Variants in ERC1 observed in about 807,000 individuals in gnomAD.
The protein encoded by ERC1 is RAB6 interacting protein 2.
Under a neutral mutation model 132.0 loss-of-function variants are expected in ERC1, and 56 were observed. The ratio of observed to expected loss-of-function variants is 0.42; its 90% CI spans 0.34 to 0.53. ERC1 has a LOEUF of 0.53. Among genes scored for constraint, ERC1 ranks in the 20% least tolerant of loss-of-function variants. The probability of loss-of-function intolerance (pLI) is 0.03; values close to 1 mark genes in which losing one functional copy is unlikely to be tolerated. For missense variants in ERC1, 1,202 were observed against 1,349.9 expected (o/e 0.89, Z 1.72); for synonymous variants, 478 against 476.1 (o/e 1.00, Z -0.05).
chr12:1,143,501 C>T (rs889343059), intron 8 of ERC1, among the ~76,000 whole-genome samples: 19 of 150,984 alleles, frequency 1.3e-4, no homozygotes, highest in African/African-American at 4.1e-4. Flanking sequence ...TATCCAGTAA[C>T]ATTGTTTAAA....
rs1401569093 is a variant in ERC1, at chr12:1,493,541, AAAAAAAAATAT to A, written c.*3313_*3323del. 1.5e-3 allele frequency: 135 copies of A among 89,728 alleles called. 3 individuals carry two copies. Among genetic ancestry groups the A allele is most frequent in the Non-Finnish European group, 1.9e-3 (86 of 46,030 alleles). 5.6% of individuals were successfully genotyped at this position (89,728 alleles called of 1,614,324 possible). A position where few individuals can be genotyped will look rare whatever the true frequency, so the allele number is the denominator to read the frequency against. On this transcript the variant is annotated 3_prime_UTR_variant, in exon 19 of 19. Coordinates refer to ENST00000360905, the MANE Select transcript of ERC1 (RefSeq NM_178040.4). ...GACAGAGACTCCATTTAAAAAAAAA[AAAAAAAAATAT>A]ATATATATATATATATATATATATA...
At chr12:1,127,630 C>A (rs1302741529) in intron 7 of ERC1, among the ~76,000 whole-genome samples, 1 of 151,522 alleles carries the variant, frequency 6.6e-6, no homozygotes. Context: ...GCATCCATCC[C>A]GTTTTTTAAA....
chr12:1,435,216 C>G (rs2092916319), intron 17 of ERC1, among the ~76,000 whole-genome samples: 1 of 152,172 alleles, frequency 6.6e-6, no homozygotes, highest in Non-Finnish European at 1.5e-5. Context: ...AAGTACAACT[C>G]TGTCAGAGCA....
intron 16 of ERC1, among the ~76,000 whole-genome samples, chr12:1,394,384 A>G (rs1041379585): frequency 1.3e-5 from 2 of 152,234 alleles, no homozygotes; most frequent in African/African-American, 4.8e-5. Flanking sequence ...TGGGTGACAG[A>G]GCAAGACTCC....
chr12:1,030,195 G>C (rs1228315932), intron 2 of ERC1, among the ~76,000 whole-genome samples: 1 of 152,124 alleles, frequency 6.6e-6, no homozygotes, highest in Non-Finnish European at 1.5e-5. Context: ...TACTCTTAAA[G>C]GAGAATATGT....
intron 16 of ERC1, among the ~76,000 whole-genome samples, chr12:1,385,682 C>T (rs1023265889): frequency 6.6e-6 from 1 of 152,178 alleles, no homozygotes; most frequent in African/African-American, 2.4e-5. Context: ...ATCTAGAGCT[C>T]TCTTTGTATT....
At chr12:1,485,474 A>G (rs1276644365) in intron 18 of ERC1, among the ~76,000 whole-genome samples, 3 of 152,096 alleles carry the variant, frequency 2.0e-5, no homozygotes, top group Admixed American at 1.3e-4. Flanking sequence ...AAGTGCTGGG[A>G]TTACAGGCGT....
At chr12:1,261,594 C>A (rs2154323286) in intron 13 of ERC1, among the ~76,000 whole-genome samples, 1 of 152,274 alleles carries the variant, frequency 6.6e-6, no homozygotes, top group Non-Finnish European at 1.5e-5. Flanking sequence ...CCTTTAAAAC[C>A]CTCCACTGTA....
intron 17 of ERC1, among the ~76,000 whole-genome samples, chr12:1,411,880 A>G (rs1213238434): frequency 6.6e-6 from 1 of 150,750 alleles, no homozygotes; most frequent in Non-Finnish European, 1.5e-5. Flanking sequence ...GCCTATAGGT[A>G]ACTTCACCAG....
intron 15 of ERC1, among the ~76,000 whole-genome samples, chr12:1,292,970 C>A (rs958889151): frequency 6.6e-6 from 1 of 151,716 alleles, no homozygotes; most frequent in Non-Finnish European, 1.5e-5. Context: ...CATGGTGAAC[C>A]CTCGTCTCTA....
At chr12:1,224,387 A>G (rs1219835500) in intron 12 of ERC1, among the ~76,000 whole-genome samples, 7 of 152,204 alleles carry the variant, frequency 4.6e-5, no homozygotes, top group Admixed American at 4.6e-4. Flanking sequence ...TTTTATCTTG[A>G]TAGTCATCCT....
At chr12:1,004,395 CTTTCTCT>C (rs1963075381) in intron 1 of ERC1, among the ~76,000 whole-genome samples, 2 of 136,590 alleles carry the variant, frequency 1.5e-5, no homozygotes, top group African/African-American at 2.7e-5. Context: ...TTCTTTTTTT[CTTTCTCT>C]TTTTTTTTTT....
At chr12:1,173,387 G>T (rs991659841) in intron 8 of ERC1, among the ~76,000 whole-genome samples, 2 of 152,098 alleles carry the variant, frequency 1.3e-5, no homozygotes, top group Non-Finnish European at 2.9e-5. Flanking sequence ...CGTCGTTCTT[G>T]TTATTTTATT....
intron 2 of ERC1, among the ~76,000 whole-genome samples, chr12:1,063,410 G>T (rs771025441): frequency 2.2e-4 from 33 of 152,124 alleles, no homozygotes; most frequent in Admixed American, 4.6e-4. Context: ...ACAGGCATGT[G>T]CCACCACGCC....
At chr12:1,019,699 A>G (rs1966045844) in intron 1 of ERC1, among the ~76,000 whole-genome samples, 1 of 152,140 alleles carries the variant, frequency 6.6e-6, no homozygotes, top group African/African-American at 2.4e-5. Context: ...TTTAGAACCT[A>G]TAAAAAGAAT....
intron 17 of ERC1, among the ~76,000 whole-genome samples, chr12:1,414,656 G>A (rs916813765): frequency 6.6e-6 from 1 of 152,098 alleles, no homozygotes; most frequent in East Asian, 1.9e-4. Flanking sequence ...TCCGTTTACT[G>A]TAAGTTTTCT....
At chr12:1,276,223 GTTTTTCTTTTTC>G (rs143057672) in intron 14 of ERC1, among the ~76,000 whole-genome samples, 32,870 of 148,098 alleles carry the variant, frequency 0.22, 4,126 homozygotes, top group Non-Finnish European at 0.3. Flanking sequence ...TCATGTTTTT[GTTTTTCTTTTTC>G]TTTTTCTTTT....
intron 1 of ERC1, among the ~76,000 whole-genome samples, chr12:995,670 T>G (rs1960685254): frequency 6.6e-6 from 1 of 152,194 alleles, no homozygotes; most frequent in Non-Finnish European, 1.5e-5. Context: ...TCCAAACATC[T>G]GAGCCTAGGG....
intron 2 of ERC1, among the ~76,000 whole-genome samples, chr12:1,057,516 CT>C (rs571264017): frequency 1.4e-5 from 2 of 147,532 alleles, no homozygotes; most frequent in Non-Finnish European, 3.0e-5. Flanking sequence ...TTAATTATGA[CT>C]TTTATTGTAC....
Sources: allele counts gnomAD v4.1 joint callset (sites outside exome capture counted in the v4.1 genomes callset), GRCh38; gene constraint gnomAD v4.1.1; transcripts MANE v1.5; gene names NCBI Gene and HGNC (gene_info 2026-07-23, HGNC 2026-07-21).